The following FAT3 variants were observed in gnomAD, a reference collection of about 807,000 sequenced individuals.
The protein encoded by FAT3 is protocadherin Fat 3.
FAT3 carries 95 observed loss-of-function variants against 310.2 expected under a neutral mutation model. That is an observed-to-expected ratio of 0.31 (90% CI 0.26 to 0.36). The LOEUF is 0.36. Ranked by LOEUF, FAT3 falls within the 10% of genes least tolerant of loss-of-function variation. The pLI is 1.00. For missense variants in FAT3, 5,408 were observed against 5,715.6 expected (o/e 0.95, Z 1.74); for synonymous variants, 2,314 against 2,192.9 (o/e 1.06, Z -1.54).
intron 4 of FAT3, among the ~76,000 whole-genome samples, chr11:92,727,359 T>C (rs1243011360): frequency 6.6e-6 from 1 of 152,020 alleles, no homozygotes; most frequent in Admixed American, 6.6e-5. Context: ...TGCCACCGAC[T>C]TCATGGGAGA....
intron 22 of FAT3, among the ~76,000 whole-genome samples, chr11:92,869,159 T>C (rs951595265): frequency 6.6e-6 from 1 of 152,214 alleles, no homozygotes; most frequent in Non-Finnish European, 1.5e-5. Flanking sequence ...GACTTACGTT[T>C]TCCTAAAATG....
At position 92,798,922 on chromosome 11, in the gene FAT3, T is replaced by C; in HGVS notation, c.5909T>C (p.Ile1970Thr). The C allele has an allele frequency of 6.2e-7, 1 of 1,613,986 alleles. No individual in the cohort carries two copies. The highest frequency in any genetic ancestry group is 1.7e-5 in the Admixed American group (1 of 60,028). ...GKFYSTSMVTIMVKEAMDSGL... is the reference protein window; with the variant it reads ...GKFYSTSMVTTMVKEAMDSGL... ...TTCTACAGTACCTCCATGGTCACCATCATGGTTAAAGAAGCCATGGACAGC... is the reference window on the plus strand; with the variant it reads ...TTCTACAGTACCTCCATGGTCACCACCATGGTTAAAGAAGCCATGGACAGC... The change falls in exon 10 of 28, where the codon ATC (isoleucine) becomes ACC (threonine). Residue 1970 changes from isoleucine to threonine, a missense_variant. Ile to Thr is a moderately conservative substitution (Grantham distance 89, BLOSUM62 -1). Coordinates refer to ENST00000525166, the MANE Select transcript of FAT3 (RefSeq NM_001367949.2).
Position 92,229,501 on chromosome 11 carries a change from TTTTTTGTTTTTTG to T in FAT3, c.-18+4333_-18+4345del, listed in dbSNP as rs1442971839. Reference sequence around the variant, plus strand: ...TTTTTTGTTTTTTCGTGTTTTTTTTTTTTTTGTTTTTTGTTTTTTTTTACATTGCCTCCCTTTC... The same window carrying T: ...TTTTTTGTTTTTTCGTGTTTTTTTTTTTTTTTTTTACATTGCCTCCCTTTC... On this transcript the variant is annotated intron_variant, in intron 1 of 27. Coordinates refer to ENST00000525166, the MANE Select transcript of FAT3 (RefSeq NM_001367949.2). Among the ~76,000 whole-genome samples the T allele has an allele frequency of 3.8e-4, 29 of 75,328 alleles. 3 individuals are homozygous for T. Among genetic ancestry groups the T allele is most frequent in the African/African-American group, 1.2e-3 (28 of 24,150 alleles). The allele number at this position is 75,328 out of a possible 152,430, so 49.4% of individuals were successfully genotyped here.
chr11:92,240,879 T>C (rs1199821585), intron 1 of FAT3, among the ~76,000 whole-genome samples: 1 of 152,056 alleles, frequency 6.6e-6, no homozygotes, highest in Non-Finnish European at 1.5e-5. Flanking sequence ...AGTAGCTTTT[T>C]GCAGAACTGT....
intron 1 of FAT3, among the ~76,000 whole-genome samples, chr11:92,313,598 C>T (rs947560004): frequency 2.0e-5 from 3 of 152,284 alleles, no homozygotes; most frequent in East Asian, 1.9e-4. Context: ...CTCACCCTGT[C>T]GCCCAGGCTA....
At chr11:92,364,194 A>G (rs1248611898) in intron 2 of FAT3, among the ~76,000 whole-genome samples, 1 of 152,122 alleles carries the variant, frequency 6.6e-6, no homozygotes, top group African/African-American at 2.4e-5. Flanking sequence ...TCTGTATGCA[A>G]TCTTCCTTTT....
In FAT3 at chr11:92,882,892, G is replaced by A; in HGVS notation, c.12436G>A (p.Gly4146Ser). Residue 4146 changes from glycine (G) to serine (S), a missense_variant, in exon 24 of 28, where the codon GGC becomes AGC. By Grantham distance (56) the Gly-to-Ser change is moderately conservative. Around this residue, in one of 5 missense-constraint regions of FAT3, gnomAD observed 649 missense variants for 666.2 expected, o/e 0.97. Coordinates refer to ENST00000525166, the MANE Select transcript of FAT3 (RefSeq NM_001367949.2). ...CGTGGTGGTACCCAATATCCAGGCTGGCCACTCCTACGTGGGGAAGGAGGA... is the reference window on the plus strand; with the variant it reads ...CGTGGTGGTACCCAATATCCAGGCTAGCCACTCCTACGTGGGGAAGGAGGA... The part of the protein sequence containing the change: ...RPVVVPNIQA[G>S]HSYVGKEELI... 6.2e-7 allele frequency: 1 copy of A among 1,612,672 alleles called. No individual in the cohort carries two copies. The highest frequency in any genetic ancestry group is 1.1e-5 in the South Asian group (1 of 90,658).
chr11:92,633,507 A>G (rs1465218480), intron 3 of FAT3, among the ~76,000 whole-genome samples: 1 of 152,214 alleles, frequency 6.6e-6, no homozygotes, highest in Non-Finnish European at 1.5e-5. Flanking sequence ...TAGACTGTTG[A>G]CTAGTTCCAC....
Position 92,714,520 on chromosome 11 carries a change from T to A in FAT3, c.3669+17075T>A, listed in dbSNP as rs767259817. 4.6e-5 allele frequency among the ~76,000 whole-genome samples: 7 copies of A among 151,814 alleles called. No homozygotes were observed. The East Asian group carries it at 7.7e-4, about 17-fold the overall frequency. ...AAAGCACAAAAAAGGAAAAAAAAAA[T>A]TTGAAAACTATGATGATTAAACAGT... On this transcript the variant is annotated intron_variant, in intron 4 of 27. Coordinates refer to ENST00000525166, the MANE Select transcript of FAT3 (RefSeq NM_001367949.2).
chr11:92,678,196 G>T lies in FAT3; in HGVS notation c.3608-19188G>T, dbSNP rs188550669. 2.7e-3 allele frequency among the ~76,000 whole-genome samples: 416 copies of T among 152,244 alleles called. 2 individuals carry two copies. The highest frequency in any genetic ancestry group is 9.6e-3 in the African/African-American group (397 of 41,532). On this transcript the variant is annotated intron_variant, in intron 3 of 27. Transcript: ENST00000525166. ...CCTATGTACATGTTTGATTGGTTTT[G>T]GGAGGGGATCAATCAGAGGCTGAGG... is the stretch of plus-strand genomic sequence containing the variant.
chr11:92,561,250 C>CGTGT (rs66585879), intron 3 of FAT3, among the ~76,000 whole-genome samples: 10,187 of 148,264 alleles, frequency 0.069, 389 homozygotes, highest in Non-Finnish European at 0.081. Flanking sequence ...CCTTCTACTT[C>CGTGT]GTGTGTGTGT....
intron 3 of FAT3, among the ~76,000 whole-genome samples, chr11:92,691,402 C>CT (rs931971787): frequency 1.7e-4 from 26 of 151,232 alleles, no homozygotes; most frequent in East Asian, 7.8e-4. Context: ...TACGAGGTTT[C>CT]TTTTTTTTTA....
chr11:92,366,508 C>G (rs1217095333), intron 2 of FAT3: 1 of 473,570 alleles, frequency 2.1e-6, no homozygotes, highest in East Asian at 5.5e-5. Flanking sequence ...ACTTCTTGGC[C>G]TTACCCTCGG....
intron 6 of FAT3, among the ~76,000 whole-genome samples, chr11:92,765,459 CT>C (rs1357327481): frequency 6.6e-6 from 1 of 151,750 alleles, no homozygotes; most frequent in African/African-American, 2.4e-5. Context: ...CACCTTTTTT[CT>C]GCATTCTGTT....
chr11:92,705,577 GAT>G (rs1159875511), intron 4 of FAT3, among the ~76,000 whole-genome samples: 1 of 66,320 alleles, frequency 1.5e-5, no homozygotes, highest in Non-Finnish European at 3.0e-5. Flanking sequence ...TGGTGGTGGT[GAT>G]GGTGGTGGTG....
chr11:92,493,420 C>T (rs1346158615), intron 2 of FAT3, among the ~76,000 whole-genome samples: 1 of 152,078 alleles, frequency 6.6e-6, no homozygotes, highest in Non-Finnish European at 1.5e-5. Context: ...TGAACTCTGC[C>T]TAGAACTCAG....
At chr11:92,340,625 A>T (rs974790106) in intron 1 of FAT3, among the ~76,000 whole-genome samples, 1 of 152,162 alleles carries the variant, frequency 6.6e-6, no homozygotes, top group Non-Finnish European at 1.5e-5. Flanking sequence ...AGGATACAAC[A>T]TGTCCTAGGA....
intron 2 of FAT3, among the ~76,000 whole-genome samples, chr11:92,434,810 G>T (rs1176793177): frequency 1.3e-5 from 2 of 152,120 alleles, no homozygotes; most frequent in Non-Finnish European, 2.9e-5. Flanking sequence ...TTAAATGCAG[G>T]TGTTTATTTT....
chr11:92,414,190 A>G (rs1950356318), intron 2 of FAT3, among the ~76,000 whole-genome samples: 2 of 152,154 alleles, frequency 1.3e-5, no homozygotes, highest in Admixed American at 1.3e-4. Context: ...GCTTTGAGTT[A>G]TCTTGCTAAC....
Sources: gnomAD v4.1 joint callset for allele counts (sites outside exome capture counted in the v4.1 genomes callset) on GRCh38, gnomAD v4.1.1 for gene constraint, gnomAD v4.1.1 regional missense constraint, MANE v1.5 for transcripts, NCBI Gene and HGNC (gene_info 2026-07-23, HGNC 2026-07-21) for gene names.